ADARB2: variants seen among roughly 807,000 people sequenced by gnomAD.
The protein encoded by ADARB2 is adenosine deaminase RNA specific B2 (inactive), also known as inactive double-stranded RNA-specific editase B2.
Under a neutral mutation model 62.2 loss-of-function variants are expected in ADARB2, and 25 were observed. That is an observed-to-expected ratio of 0.40 (90% confidence interval 0.29 to 0.56). The LOEUF (loss-of-function observed/expected upper bound fraction) is 0.56. Ranked by LOEUF, ADARB2 falls within the 20% of genes least tolerant of loss-of-function variation. ADARB2 has a pLI of 0.43. For synonymous variants in ADARB2, 572 were observed against 500.8 expected (o/e 1.14, Z -1.90); for missense variants, 1,071 against 1,077.4 (o/e 0.99, Z 0.08).
intron 1 of ADARB2, among the ~76,000 whole-genome samples, chr10:1,516,225 C>A (rs1477933704): frequency 6.6e-6 from 1 of 152,164 alleles, no homozygotes; most frequent in Non-Finnish European, 1.5e-5. Context: ...CGTCCCTTAC[C>A]CTTACCCCAA....
chr10:1,647,812 GTATGCATGTGTGTATATGTGTATA>G (rs919785306), intron 1 of ADARB2, among the ~76,000 whole-genome samples: 5 of 148,130 alleles, frequency 3.4e-5, no homozygotes, highest in East Asian at 2.0e-4. Context: ...ATGTGTGTGT[GTATGCATGTGTGTATATGTGTATA>G]TATGCATGTG....
chr10:1,582,912 CGTG>C (rs1183297002), intron 1 of ADARB2, among the ~76,000 whole-genome samples: 3 of 152,192 alleles, frequency 2.0e-5, no homozygotes, highest in Non-Finnish European at 4.4e-5. Flanking sequence ...CTCTGATGAG[CGTG>C]TTAATGACAC....
intron 3 of ADARB2, among the ~76,000 whole-genome samples, chr10:1,272,383 A>T (rs925082730): frequency 6.6e-6 from 1 of 152,244 alleles, no homozygotes; most frequent in Non-Finnish European, 1.5e-5. Context: ...GACAGTTTTT[A>T]AAAATCCCAC....
chr10:1,222,218 T>G (rs1482693569), intron 6 of ADARB2, among the ~76,000 whole-genome samples: 1 of 152,258 alleles, frequency 6.6e-6, no homozygotes, highest in African/African-American at 2.4e-5. Context: ...ATGTCTTTTT[T>G]TGAGAAGTGT....
At chr10:1,208,214 T>C (rs2131747047) in intron 7 of ADARB2, among the ~76,000 whole-genome samples, 1 of 152,394 alleles carries the variant, frequency 6.6e-6, no homozygotes, top group Admixed American at 6.5e-5. Context: ...GAAGACCGGA[T>C]AGGTGATTTC....
chr10:1,357,372 T>A (rs12416628), intron 3 of ADARB2, among the ~76,000 whole-genome samples: 67 of 152,076 alleles, frequency 4.4e-4, no homozygotes, highest in Admixed American at 1.5e-3. Flanking sequence ...GTGGGCACAG[T>A]GGCAGACAGG....
At chr10:1,417,124 C>T (rs547995233) in intron 1 of ADARB2, among the ~76,000 whole-genome samples, 2 of 151,232 alleles carry the variant, frequency 1.3e-5, no homozygotes, top group African/African-American at 4.9e-5. Context: ...AAGTGTAGAT[C>T]AGATGGTGTG....
At chr10:1,629,769 T>C (rs1269895642) in intron 1 of ADARB2, among the ~76,000 whole-genome samples, 1 of 152,052 alleles carries the variant, frequency 6.6e-6, no homozygotes, top group Non-Finnish European at 1.5e-5. Flanking sequence ...AAAATTTGCC[T>C]GTGACCCTTG....
chr10:1,588,389 T>C (rs1043256513), intron 1 of ADARB2, among the ~76,000 whole-genome samples: 2 of 152,212 alleles, frequency 1.3e-5, no homozygotes, highest in African/African-American at 4.8e-5. Context: ...CTTGGGTTTT[T>C]GGAGCATGAG....
intron 6 of ADARB2, among the ~76,000 whole-genome samples, chr10:1,232,111 G>C (rs916427121): frequency 4.6e-5 from 7 of 152,060 alleles, no homozygotes; most frequent in African/African-American, 1.7e-4. Flanking sequence ...TCCCTCATCA[G>C]GACTGGACTC....
chr10:1,265,959 C>T (rs1318910234), intron 4 of ADARB2, among the ~76,000 whole-genome samples: 1 of 128,378 alleles, frequency 7.8e-6, no homozygotes, highest in Admixed American at 7.6e-5. Context: ...GAGGGGGGCC[C>T]AGACTCTCCC....
intron 1 of ADARB2, among the ~76,000 whole-genome samples, chr10:1,642,408 G>A (rs907412391): frequency 1.3e-5 from 2 of 152,118 alleles, no homozygotes; most frequent in Admixed American, 1.3e-4. Flanking sequence ...GATGAGTTAA[G>A]TATTAGTAAA....
chr10:1,295,589 C>T lies in ADARB2; in HGVS notation c.1078-24520G>A, dbSNP rs553973304. Among the ~76,000 whole-genome samples the T allele has an allele frequency of 2.8e-4, 43 of 151,460 alleles. 1 individual carries two copies. The South Asian group carries it at 7.7e-3, about 27-fold the overall frequency. ...AGTCTGGGCTCTGAGCTGACGTGTG[C>T]GCCTCTGTTTCTTCAATGACCTCTC... On this transcript the variant is annotated intron_variant, in intron 3 of 9. Transcript: ENST00000381312.
chr10:1,412,097 C>T (rs181829201), intron 1 of ADARB2, among the ~76,000 whole-genome samples: 1 of 152,228 alleles, frequency 6.6e-6, no homozygotes, highest in Admixed American at 6.5e-5. Context: ...TCAGGGCATG[C>T]GTTGGGGAAG....
chr10:1,182,534 C>T lies in ADARB2; in HGVS notation c.*659G>A, dbSNP rs1836691184. Reference sequence around the variant, plus strand: ...GGGTGTTTCCAGGCTCCCCACGTCACAGGTCTTAACTCTGCCTCGCAGGGG... The same window carrying T: ...GGGTGTTTCCAGGCTCCCCACGTCATAGGTCTTAACTCTGCCTCGCAGGGG... On this transcript the variant is annotated 3_prime_UTR_variant, in exon 10 of 10. Transcript: ENST00000381312. 6.6e-6 allele frequency: 1 copy of T among 152,580 alleles called. No homozygotes were observed. Among genetic ancestry groups the T allele is most frequent in the South Asian group, 2.0e-4 (1 of 4,886 alleles). The allele number at this position is 152,580 out of a possible 1,614,324, so 9.5% of individuals were successfully genotyped here. A position where few individuals can be genotyped will look rare whatever the true frequency, so the allele number is the denominator to read the frequency against.
chr10:1,674,273 G>A (rs547256251), intron 1 of ADARB2, among the ~76,000 whole-genome samples: 34 of 152,280 alleles, frequency 2.2e-4, no homozygotes, highest in Admixed American at 1.0e-3. Flanking sequence ...GGGGGCCCCC[G>A]CAGCCTCAAA....
At chr10:1,401,719 T>A (rs1300063341) in intron 1 of ADARB2, among the ~76,000 whole-genome samples, 1 of 152,016 alleles carries the variant, frequency 6.6e-6, no homozygotes, top group Non-Finnish European at 1.5e-5. Flanking sequence ...TTCTGCAGAG[T>A]CCCTGTTTTT....
At position 1,737,073 on chromosome 10, in the gene ADARB2, C is replaced by T; in HGVS notation, c.78G>A (p.Arg26=). The T allele has an allele frequency of 6.2e-7, 1 of 1,611,956 alleles. No homozygotes were observed. Among genetic ancestry groups the T allele is most frequent in the African/African-American group, 1.3e-5 (1 of 75,052 alleles). The change falls in exon 1 of 10, where the codon AGG becomes AGA. Residue 26 remains arginine (R), a synonymous_variant. Coordinates refer to ENST00000381312, the MANE Select transcript of ADARB2 (RefSeq NM_018702.4). ...TACCTTTCCGCTTGGACCTCCGCCT[C>T]CTCCTCCTCTTGGACTTGCATTTGA... ...SQLKCKSKRR[R]RRRSKRKDKV...
intron 3 of ADARB2, among the ~76,000 whole-genome samples, chr10:1,313,222 G>A (rs2131823796): frequency 6.6e-6 from 1 of 152,264 alleles, no homozygotes; most frequent in Non-Finnish European, 1.5e-5. Flanking sequence ...TGGGGAGAAG[G>A]GTGAAGGGGG....
Sources: allele counts gnomAD v4.1 joint callset (sites outside exome capture counted in the v4.1 genomes callset), GRCh38; gene constraint gnomAD v4.1.1; transcripts MANE v1.5; gene names NCBI Gene and HGNC (gene_info 2026-07-23, HGNC 2026-07-21).